Variants in CHRM3 observed in about 807,000 individuals in gnomAD.
CHRM3 encodes the protein cholinergic receptor muscarinic 3, also known as muscarinic acetylcholine receptor M3.
In CHRM3, 11 loss-of-function variants were observed where a neutral mutation model predicts 41.8. The ratio of observed to expected loss-of-function variants is 0.26; its 90% CI spans 0.17 to 0.44. The LOEUF (loss-of-function observed/expected upper bound fraction) is 0.44. Ranked by LOEUF, CHRM3 falls within the 20% of genes least tolerant of loss-of-function variation. CHRM3 has a pLI of 1.00. For synonymous variants in CHRM3, 297 were observed against 301.4 expected (o/e 0.99, Z 0.15); for missense variants, 571 against 745.4 (o/e 0.77, Z 2.72).
rs1249321230 is a variant in CHRM3 at position 239,632,257 on chromosome 1, C to T, written c.-279C>T. ...TTCTGATTAGTGGCCAAATAAATGA[C>T]AGTCAGAACTTCAGCTAAGGTACAA... is the stretch of plus-strand genomic sequence containing the variant. On this transcript the variant is annotated 5_prime_UTR_variant, in exon 4 of 7. Transcript: ENST00000676153. 6.6e-6 allele frequency: 1 copy of T among 152,172 alleles called. No individual in the cohort carries two copies. The highest frequency in any genetic ancestry group is 1.5e-5 in the Non-Finnish European group (1 of 68,026). The allele number at this position is 152,172 out of a possible 1,614,324, so 9.4% of individuals were successfully genotyped here. A position where few individuals can be genotyped will look rare whatever the true frequency, so the allele number is the denominator to read the frequency against.
chr1:239,682,482 G>A (rs1449089233), intron 5 of CHRM3, among the ~76,000 whole-genome samples: 1 of 152,050 alleles, frequency 6.6e-6, no homozygotes, highest in African/African-American at 2.4e-5. Flanking sequence ...GCCACTACAT[G>A]GAAGAGCTAC....
intron 1 of CHRM3, among the ~76,000 whole-genome samples, chr1:239,444,474 G>A (rs188517449): frequency 3.4e-4 from 52 of 152,202 alleles, no homozygotes; most frequent in African/African-American, 1.2e-3. Flanking sequence ...ATTAATTTGT[G>A]CTGGAGGGAA....
At chr1:239,633,953 C>T (rs925528150) in intron 4 of CHRM3, among the ~76,000 whole-genome samples, 3 of 152,130 alleles carry the variant, frequency 2.0e-5, no homozygotes, top group African/African-American at 4.8e-5. Flanking sequence ...GACACATTAC[C>T]CTATCTTACT....
At chr1:239,715,667 G>A (rs1382346603) in intron 5 of CHRM3, among the ~76,000 whole-genome samples, 1 of 152,120 alleles carries the variant, frequency 6.6e-6, no homozygotes, top group Non-Finnish European at 1.5e-5. Context: ...GTAGGATCCA[G>A]AGTAAAAGTG....
At chr1:239,657,874 A>T (rs112588705) in intron 4 of CHRM3, among the ~76,000 whole-genome samples, 1 of 152,110 alleles carries the variant, frequency 6.6e-6, no homozygotes, top group Non-Finnish European at 1.5e-5. Context: ...GTATAACTAC[A>T]TCATTCTTCA....
At chr1:239,690,821 A>G (rs1016340255) in intron 5 of CHRM3, among the ~76,000 whole-genome samples, 9 of 151,854 alleles carry the variant, frequency 5.9e-5, no homozygotes, top group African/African-American at 1.9e-4. Context: ...AAAATTTTAT[A>G]TATATATATA....
intron 6 of CHRM3, among the ~76,000 whole-genome samples, chr1:239,848,462 A>G (rs1035377955): frequency 5.3e-5 from 8 of 152,166 alleles, no homozygotes; most frequent in Non-Finnish European, 8.8e-5. Context: ...AAATTTTTAG[A>G]AAACTGTTAC....
chr1:239,400,392 A>C (rs1383965192), intron 1 of CHRM3, among the ~76,000 whole-genome samples: 2 of 152,068 alleles, frequency 1.3e-5, no homozygotes, highest in Admixed American at 6.6e-5. Context: ...ATTTTCTCCC[A>C]TAGTTTAGGT....
chr1:239,650,879 T>C (rs1428136983), intron 4 of CHRM3, among the ~76,000 whole-genome samples: 2 of 152,204 alleles, frequency 1.3e-5, no homozygotes, highest in Non-Finnish European at 2.9e-5. Context: ...TAAAATACGG[T>C]GTTTTGTAGT....
In CHRM3 at chr1:239,530,130, C is replaced by T. The variant is rs190794849; in HGVS notation, c.-421-15511C>T. On this transcript the variant is annotated intron_variant, in intron 2 of 6. Coordinates refer to ENST00000676153, the MANE Select transcript of CHRM3 (RefSeq NM_001375978.1). ...GTGTTAGCCAGGATGGTCTTGATCT[C>T]CTGACCTTGTGATCTGCCCGCCTCG... is the stretch of plus-strand genomic sequence containing the variant. 5.4e-3 allele frequency among the ~76,000 whole-genome samples: 827 copies of T among 152,188 alleles called. 8 individuals carry two copies. Among genetic ancestry groups the T allele is most frequent in the Admixed American group, 9.4e-3 (143 of 15,294 alleles).
At chr1:239,774,881 G>A (rs909244175) in intron 5 of CHRM3, among the ~76,000 whole-genome samples, 2 of 152,170 alleles carry the variant, frequency 1.3e-5, no homozygotes, top group Non-Finnish European at 2.9e-5. Context: ...GGAAAAATTT[G>A]AGGGAAGGGG....
At chr1:239,627,634 C>T (rs1669133380) in intron 3 of CHRM3, among the ~76,000 whole-genome samples, 1 of 144,780 alleles carries the variant, frequency 6.9e-6, no homozygotes, top group Non-Finnish European at 1.5e-5. Context: ...TTTGCAGCGG[C>T]TGGTACCCGT....
intron 1 of CHRM3, among the ~76,000 whole-genome samples, chr1:239,487,021 T>C (rs183949484): frequency 9.2e-5 from 14 of 152,356 alleles, no homozygotes; most frequent in African/African-American, 3.4e-4. Context: ...ATAGAACTTA[T>C]TGAGAGAAGC....
chr1:239,799,049 G>A (rs755966397), intron 5 of CHRM3, among the ~76,000 whole-genome samples: 4 of 152,162 alleles, frequency 2.6e-5, no homozygotes, highest in Non-Finnish European at 1.5e-5. Flanking sequence ...AGGGTGAAGG[G>A]TCAGTCCATT....
At chr1:239,855,757 A>G (rs1029097429) in intron 6 of CHRM3, among the ~76,000 whole-genome samples, 2 of 152,180 alleles carry the variant, frequency 1.3e-5, no homozygotes, top group African/African-American at 2.4e-5. Flanking sequence ...GAATGTTACA[A>G]TCAACATCTA....
chr1:239,615,343 T>A (rs1667518276), intron 3 of CHRM3, among the ~76,000 whole-genome samples: 1 of 152,094 alleles, frequency 6.6e-6, no homozygotes, highest in Non-Finnish European at 1.5e-5. Flanking sequence ...GGTACTTCCA[T>A]GTAATCAGCT....
At chr1:239,767,244 A>C (rs1444532328) in intron 5 of CHRM3, among the ~76,000 whole-genome samples, 1 of 152,142 alleles carries the variant, frequency 6.6e-6, no homozygotes, top group Non-Finnish European at 1.5e-5. Flanking sequence ...AGATAAATTA[A>C]AGTTAAATTG....
At chr1:239,511,912 C>CATTTAAAATTCACTT (rs1668948978) in intron 2 of CHRM3, among the ~76,000 whole-genome samples, 1 of 152,084 alleles carries the variant, frequency 6.6e-6, no homozygotes, top group Non-Finnish European at 1.5e-5. Context: ...ATTCCAAGTA[C>CATTTAAAATTCACTT]ATTTAAAATT....
intron 1 of CHRM3, among the ~76,000 whole-genome samples, chr1:239,427,987 C>T (rs146757289): frequency 2.6e-4 from 40 of 152,264 alleles, no homozygotes; most frequent in East Asian, 3.9e-4. Flanking sequence ...GCCACAGGAA[C>T]GAGTTTGCAA....
Sources: allele counts gnomAD v4.1 joint callset (sites outside exome capture counted in the v4.1 genomes callset), GRCh38; gene constraint gnomAD v4.1.1; transcripts MANE v1.5; gene names NCBI Gene and HGNC (gene_info 2026-07-23, HGNC 2026-07-21).